LRRC37A2: variants seen among roughly 807,000 people sequenced by gnomAD.
LRRC37A2 encodes leucine-rich repeat-containing protein 37A2.
LRRC37A2 carries 9 observed loss-of-function variants against 68.8 expected under a neutral mutation model. The observed-to-expected ratio is 0.13, with a 90% CI of 0.08 to 0.23. The LOEUF is 0.23. Ranked by LOEUF, LRRC37A2 falls within the 10% of genes least tolerant of loss-of-function variation. The pLI is 1.00. For synonymous variants in LRRC37A2, 63 were observed against 367.6 expected, an observed-to-expected ratio of 0.17 and a Z score of 9.48; for missense variants, 168 against 950.4, an observed-to-expected ratio of 0.18 and a Z score of 10.82.
chr17:46,858,910 T>A, the LRRC37A2 span, among the ~76,000 whole-genome samples: 1 of 152,016 alleles, frequency 6.6e-6, no homozygotes, highest in Non-Finnish European at 1.5e-5. Flanking sequence ...CAAGCAATTC[T>A]CCTGCCTCGG....
the LRRC37A2 span, chr17:46,769,755 A>C: frequency 6.2e-7 from 1 of 1,606,534 alleles, no homozygotes; most frequent in Non-Finnish European, 8.5e-7. Context: ...TGCTCCCTGA[A>C]GGGTTTGGGG....
the LRRC37A2 span, chr17:46,755,262 G>A: frequency 1.5e-6 from 2 of 1,367,716 alleles, no homozygotes; most frequent in East Asian, 2.3e-5. Flanking sequence ...AGCAAGTGCA[G>A]AGTTGTTAGA....
the LRRC37A2 span, chr17:46,940,628 A>C: frequency 1.2e-6 from 2 of 1,614,082 alleles, no homozygotes; most frequent in Non-Finnish European, 1.7e-6. Flanking sequence ...TTTGTTCTTG[A>C]ACTCTGGGAG....
chr17:46,985,712 CT>C, the LRRC37A2 span, among the ~76,000 whole-genome samples: 4 of 152,172 alleles, frequency 2.6e-5, no homozygotes, highest in Non-Finnish European at 5.9e-5. Context: ...GCCTCTGCCC[CT>C]AATTGACTGT....
At chr17:46,900,566 C>T in the LRRC37A2 span, among the ~76,000 whole-genome samples, 1 of 152,092 alleles carries the variant, frequency 6.6e-6, no homozygotes, top group Non-Finnish European at 1.5e-5. Context: ...ATTTCTTGAG[C>T]CCCCTGGAAG....
At chr17:46,933,631 C>CTTTTTTTTTTT in the LRRC37A2 span, 45 of 134,730 alleles carry the variant, frequency 3.3e-4, no homozygotes, top group African/African-American at 1.1e-3. Context: ...GTGGCATAAC[C>CTTTTTTTTTTT]TTTTTTTTTT....
the LRRC37A2 span, chr17:46,939,898 A>G: frequency 1.0e-6 from 1 of 993,126 alleles, no homozygotes; most frequent in African/African-American, 1.7e-5. Flanking sequence ...AGTCTCAGAA[A>G]GACCTGGTTA....
chr17:46,710,868 A>G, the LRRC37A2 span: 2 of 1,073,012 alleles, frequency 1.9e-6, no homozygotes. Context: ...GATAGTGATC[A>G]ATACCTTTAG....
At chr17:46,521,225 T>C (rs1317408395) in intron 4 of LRRC37A2, among the ~76,000 whole-genome samples, 1 of 58,950 alleles carries the variant, frequency 1.7e-5, no homozygotes, top group African/African-American at 5.7e-5. Flanking sequence ...ATTCTTACCC[T>C]TTGTCCATAG....
At chr17:46,932,272 G>A in the LRRC37A2 span, 78 of 1,572,134 alleles carry the variant, frequency 5.0e-5, no homozygotes, top group Non-Finnish European at 6.4e-5. Flanking sequence ...ATCTCTGAGC[G>A]CCATCTGTTT....
chr17:46,903,092 G>A, the LRRC37A2 span, among the ~76,000 whole-genome samples: 1 of 152,130 alleles, frequency 6.6e-6, no homozygotes, highest in Non-Finnish European at 1.5e-5. Context: ...GACCAGACTG[G>A]CCACCATGGT....
the LRRC37A2 span, among the ~76,000 whole-genome samples, chr17:46,474,065 T>C: frequency 2.8e-5 from 3 of 107,004 alleles, 1 homozygote; most frequent in Non-Finnish European, 6.3e-5. Context: ...GTTTTTTGTT[T>C]TTGAGACGGA....
At chr17:46,837,220 C>T in the LRRC37A2 span, among the ~76,000 whole-genome samples, 1 of 152,150 alleles carries the variant, frequency 6.6e-6, no homozygotes. Context: ...GGATTACAGG[C>T]GTGAGCCACC....
the LRRC37A2 span, among the ~76,000 whole-genome samples, chr17:46,920,206 A>T: frequency 6.6e-6 from 1 of 152,184 alleles, no homozygotes; most frequent in Admixed American, 6.5e-5. Context: ...TGAAGGTCTT[A>T]TTCATATGCT....
the LRRC37A2 span, among the ~76,000 whole-genome samples, chr17:46,842,599 C>T: frequency 6.6e-6 from 1 of 152,160 alleles, no homozygotes; most frequent in Non-Finnish European, 1.5e-5. Context: ...TCTCGAACTC[C>T]TGGGCTCAAG....
chr17:46,783,480 G>T, the LRRC37A2 span, among the ~76,000 whole-genome samples: 3 of 152,240 alleles, frequency 2.0e-5, no homozygotes, highest in Non-Finnish European at 4.4e-5. Context: ...CACACCTGAG[G>T]AGCACCCAGC....
At chr17:46,862,622 G>A in the LRRC37A2 span, among the ~76,000 whole-genome samples, 421 of 152,108 alleles carry the variant, frequency 2.8e-3, 1 homozygote, top group Middle Eastern at 0.014. Flanking sequence ...TTGCTCTGTC[G>A]CCCAGGCTGG....
At chr17:46,936,528 C>T in the LRRC37A2 span, 8 of 985,492 alleles carry the variant, frequency 8.1e-6, no homozygotes, top group Non-Finnish European at 9.6e-6. Context: ...GCCTCACACC[C>T]TGCCTCCGTC....
At chr17:46,825,409 C>T in the LRRC37A2 span, among the ~76,000 whole-genome samples, 865 of 152,352 alleles carry the variant, frequency 5.7e-3, 13 homozygotes, top group African/African-American at 0.02. Flanking sequence ...GCTCTGAGGG[C>T]GGAAAGTGTC....
Sources: allele counts gnomAD v4.1 joint callset (sites outside exome capture counted in the v4.1 genomes callset), GRCh38; gene constraint gnomAD v4.1.1; transcripts MANE v1.5; gene names NCBI Gene and HGNC (gene_info 2026-07-23, HGNC 2026-07-21).